The following PPT2 variants were observed in gnomAD, a reference collection of about 807,000 sequenced individuals.
The protein encoded by PPT2 is lysosomal thioesterase PPT2.
Under a neutral mutation model 37.3 loss-of-function variants are expected in PPT2, and 20 were observed. That is an observed-to-expected ratio of 0.54 (90% CI 0.38 to 0.78). PPT2 has a LOEUF of 0.78. Ranked by LOEUF, PPT2 falls within the 30% of genes least tolerant of loss-of-function variation. PPT2 has a pLI of 0.00. For missense variants in PPT2, 270 were observed against 389.8 expected (o/e 0.69, Z 2.59); for synonymous variants, 135 against 159.1 (o/e 0.85, Z 1.14).
At chr6:32,158,013 C>T in intron 7 of PPT2, 89 bp downstream of exon 7, 3 of 1,155,524 alleles carry the variant, frequency 2.6e-6, no homozygotes, top group Non-Finnish European at 3.7e-6. Flanking sequence ...TGGCCTGCTC[C>T]TTCCACTGTT....
Position 32,163,136 on chromosome 6 carries a change from T to A in PPT2, c.*186T>A. ...AGAACCCCCTTCCTCTGCTCCTCCA[T>A]GAATGACAATTCCAGGCCTCCCCTA... On this transcript the variant is annotated 3_prime_UTR_variant, in exon 9 of 9. Coordinates refer to ENST00000324816, the MANE Select transcript of PPT2 (RefSeq NM_005155.7). 1 of 636,620 alleles carries A rather than the reference T, an allele frequency of 1.6e-6. No homozygotes were observed. The highest frequency in any genetic ancestry group is 2.6e-6 in the Non-Finnish European group (1 of 377,930). 39.4% of individuals were successfully genotyped at this position (636,620 alleles called of 1,614,324 possible).
chr6:32,158,091 C>G (rs545724647), intron 7 of PPT2, 167 bp downstream of exon 7: 2 of 600,372 alleles, frequency 3.3e-6, no homozygotes, highest in East Asian at 5.6e-5. Context: ...TATCCCAACC[C>G]CTTGTATCAA....
At chr6:32,153,888 G>T (rs1422850646), upstream of PPT2, 1 of 1,235,944 alleles carries the variant, frequency 8.1e-7, no homozygotes, top group East Asian at 2.8e-5. This position sits in a 1 kb window ranked among gnomAD's most constrained non-coding sequence, Gnocchi z 4.4. Flanking sequence ...CTTTTGGGTC[G>T]CTGGGGGCAA....
Position 32,155,596 on chromosome 6 carries a change from G to C in PPT2, c.338-92G>C, listed in dbSNP as rs892867351. 5.1e-6 allele frequency: 4 copies of C among 788,818 alleles called. No homozygotes were observed. The highest frequency in any genetic ancestry group is 2.1e-5 in the African/African-American group (1 of 47,574). 48.9% of individuals were successfully genotyped at this position (788,818 alleles called of 1,614,324 possible). A position where few individuals can be genotyped will look rare whatever the true frequency, so the allele number is the denominator to read the frequency against. Reference sequence around the variant, plus strand: ...TCTGTGTGTGTCTCTGTGTGTGTGTGTGTGTGTGTGTGTGTGTGTGTGGTG... The same window carrying C: ...TCTGTGTGTGTCTCTGTGTGTGTGTCTGTGTGTGTGTGTGTGTGTGTGGTG... On this transcript the variant is annotated intron_variant, in intron 3 of 8. Transcript: ENST00000324816. This position sits in a 1 kb window ranked among gnomAD's most constrained non-coding sequence, Gnocchi z 4.3.
chr6:32,154,158 T>C lies in PPT2; in HGVS notation c.-255T>C. The C allele has an allele frequency of 9.1e-7, 1 of 1,093,194 alleles. No individual in the cohort carries two copies. The highest frequency in any genetic ancestry group is 1.1e-6 in the Non-Finnish European group (1 of 897,804). The allele number at this position is 1,093,194 out of a possible 1,614,324, so 67.7% of individuals were successfully genotyped here. Reference sequence around the variant, plus strand: ...TCCCATCCGTCATTCCCCTGCGCTCTCTTTCCTCACCCTTCCCCCCGCCAC... The same window carrying C: ...TCCCATCCGTCATTCCCCTGCGCTCCCTTTCCTCACCCTTCCCCCCGCCAC... On this transcript the variant is annotated 5_prime_UTR_variant, in exon 1 of 9. Transcript: ENST00000324816. The surrounding 1 kb of genome is among the most constrained non-coding windows in gnomAD (Gnocchi z 7.3).
At chr6:32,158,044 A>G in intron 7 of PPT2, 120 bp downstream of exon 7, 1 of 864,580 alleles carries the variant, frequency 1.2e-6, no homozygotes, top group Non-Finnish European at 1.8e-6. Flanking sequence ...TCCTCCCCCC[A>G]TTCATCATGT....
At position 32,162,646 on chromosome 6, in the gene PPT2, C is replaced by G; in HGVS notation, c.765+24C>G. 1 of 1,592,400 alleles carries G rather than the reference C, an allele frequency of 6.3e-7. No individual in the cohort carries two copies. Among genetic ancestry groups the G allele is most frequent in the Non-Finnish European group, 8.6e-7 (1 of 1,160,280 alleles). On this transcript the variant is annotated intron_variant, in intron 8 of 8. Transcript: ENST00000324816. This position sits in a 1 kb window ranked among gnomAD's most constrained non-coding sequence, Gnocchi z 5.5. ...TGGTGAGCCCCCTGGGATTACTTCCCCTTCTAGCCGCTGTCCCACCTTATT... is the reference window on the plus strand; with the variant it reads ...TGGTGAGCCCCCTGGGATTACTTCCGCTTCTAGCCGCTGTCCCACCTTATT...
intron 7 of PPT2, among the ~76,000 whole-genome samples, chr6:32,160,753 C>G (rs913352355): frequency 2.0e-5 from 3 of 151,974 alleles, no homozygotes; most frequent in African/African-American, 7.3e-5. Flanking sequence ...AATCCTAGCA[C>G]TTTGGGAGGC....
Position 32,163,051 on chromosome 6 carries a change from G to A in PPT2, c.*101G>A. 7.5e-7 allele frequency: 1 copy of A among 1,334,420 alleles called. No homozygotes were observed. Among genetic ancestry groups the A allele is most frequent in the East Asian group, 2.3e-5 (1 of 43,080 alleles). 82.7% of individuals were successfully genotyped at this position (1,334,420 alleles called of 1,614,324 possible). A position where few individuals can be genotyped will look rare whatever the true frequency, so the allele number is the denominator to read the frequency against. ...TTGGTGTGCCTGTGACCACCTCATT[G>A]CTCCCATATTATCCCCCATTTTTAG... On this transcript the variant is annotated 3_prime_UTR_variant, in exon 9 of 9. Coordinates refer to ENST00000324816, the MANE Select transcript of PPT2 (RefSeq NM_005155.7).
Position 32,155,221 on chromosome 6 carries a change from C to G in PPT2, c.337+38C>G. On this transcript the variant is annotated intron_variant, in intron 3 of 8. Coordinates refer to ENST00000324816, the MANE Select transcript of PPT2 (RefSeq NM_005155.7). The surrounding 1 kb of genome is among the most constrained non-coding windows in gnomAD (Gnocchi z 4.3). ...CCTGCCCCTAACTCCTAAGCCCTAT[C>G]TGAGGCTTGATCCTTATCTGAGGGA... The G allele has an allele frequency of 6.2e-7, 1 of 1,608,684 alleles. No homozygotes were observed. Among genetic ancestry groups the G allele is most frequent in the Non-Finnish European group, 8.5e-7 (1 of 1,176,458 alleles).
chr6:32,154,784 C>A lies in PPT2; in HGVS notation c.183+7C>A. 6.2e-7 allele frequency: 1 copy of A among 1,609,670 alleles called. No homozygotes were observed. Among genetic ancestry groups the A allele is most frequent in the Non-Finnish European group, 8.5e-7 (1 of 1,177,208 alleles). ...GCTGGAATACATCAATGAGGTCTGG[C>A]AGGGGACACCTGGGTGCAGGGCGTT... On this transcript the variant is annotated splice_region_variant and intron_variant, in intron 2 of 8. Transcript: ENST00000324816. The surrounding 1 kb of genome is among the most constrained non-coding windows in gnomAD (Gnocchi z 7.3).
rs1039161971 is a variant in PPT2, at chr6:32,155,063, C to T, written c.217C>T (p.Leu73Phe). 2 of 1,613,058 alleles carry T rather than the reference C, an allele frequency of 1.2e-6. No homozygotes were observed. Among genetic ancestry groups the T allele is most frequent in the African/African-American group, 2.7e-5 (2 of 74,928 alleles). ...CGGGACTGTGGTGACAGTGCTCGAT[C>T]TCTTCGATGGGAGAGAGAGCTTGCG... ...HPGTVVTVLD[L>F]FDGRESLRPL... The change falls in exon 3 of 9, where the codon CTC becomes TTC. Residue 73 changes from leucine to phenylalanine, a missense_variant. Transcript: ENST00000324816. The surrounding 1 kb of genome is among the most constrained non-coding windows in gnomAD (Gnocchi z 4.3).
chr6:32,159,724 CT>C (rs1262133551), intron 7 of PPT2, among the ~76,000 whole-genome samples: 430 of 141,746 alleles, frequency 3.0e-3, no homozygotes, highest in Middle Eastern at 0.011. Flanking sequence ...CTGTTTCTTC[CT>C]TTTTTTTTTT....
In PPT2 at chr6:32,162,987, A is replaced by G. The variant is rs1784264880; in HGVS notation, c.*37A>G. On this transcript the variant is annotated 3_prime_UTR_variant, in exon 9 of 9. Transcript: ENST00000324816. This position sits in a 1 kb window ranked among gnomAD's most constrained non-coding sequence, Gnocchi z 5.5. ...GGGGTCCCCAGGAACTCCTCGGTCC[A>G]GAGACCAAGTGGTGGCCTTGGAAAG... The G allele has an allele frequency of 6.3e-7, 1 of 1,579,992 alleles. No individual in the cohort carries two copies. Among genetic ancestry groups the G allele is most frequent in the Admixed American group, 1.8e-5 (1 of 55,622 alleles).
At chr6:32,160,927 G>A (rs1206421607) in intron 7 of PPT2, among the ~76,000 whole-genome samples, 2 of 150,332 alleles carry the variant, frequency 1.3e-5, no homozygotes, top group African/African-American at 4.9e-5. Flanking sequence ...GGCCAAGGCT[G>A]CAGTGAGCCG....
At position 32,155,711 on chromosome 6, in the gene PPT2, C is replaced by T; in HGVS notation, c.361C>T (p.Leu121Phe). The change falls in exon 4 of 9, where the codon CTT becomes TTT. Residue 121 changes from leucine (L) to phenylalanine (F), a missense_variant. Physicochemically the swap from Leu to Phe is conservative, Grantham distance 22. Coordinates refer to ENST00000324816, the MANE Select transcript of PPT2 (RefSeq NM_005155.7). The surrounding 1 kb of genome is among the most constrained non-coding windows in gnomAD (Gnocchi z 4.3). ...SQGGLVCRAL[L>F]SVMDDHNVDS... ...AGGGGGCCTTGTGTGCCGGGCTCTG[C>T]TTTCTGTCATGGATGATCACAACGT... is the stretch of plus-strand genomic sequence containing the variant. 6.2e-7 allele frequency: 1 copy of T among 1,613,920 alleles called. No homozygotes were observed. The highest frequency in any genetic ancestry group is 8.5e-7 in the Non-Finnish European group (1 of 1,179,992).
In PPT2 at chr6:32,155,458, G is replaced by C. The variant is rs959584445; in HGVS notation, c.338-230G>C. Among the ~76,000 whole-genome samples, 2 of 152,190 alleles carry C rather than the reference G, an allele frequency of 1.3e-5. No individual in the cohort carries two copies. Among genetic ancestry groups the C allele is most frequent in the African/African-American group, 4.8e-5 (2 of 41,450 alleles). ...CAGGTAAAAACATCCTAGAACTAGAGGCAGGAGGCCCAGCATCTAATTCGG... is the reference window on the plus strand; with the variant it reads ...CAGGTAAAAACATCCTAGAACTAGACGCAGGAGGCCCAGCATCTAATTCGG... On this transcript the variant is annotated intron_variant, in intron 3 of 8. Transcript: ENST00000324816. The surrounding 1 kb of genome is among the most constrained non-coding windows in gnomAD (Gnocchi z 4.3).
Position 32,155,110 on chromosome 6 carries a change from A to C in PPT2, c.264A>C (p.Gln88His). The C allele has an allele frequency of 6.2e-7, 1 of 1,613,044 alleles. No individual in the cohort carries two copies. The highest frequency in any genetic ancestry group is 8.5e-7 in the Non-Finnish European group (1 of 1,179,968). ...TGCGACCCCTGTGGGAACAGGTGCA[A>C]GGGTTCCGAGAGGCTGTGGTCCCCA... The part of the protein sequence containing the change: ...ESLRPLWEQV[Q>H]GFREAVVPIM... The change falls in exon 3 of 9, where the codon CAA becomes CAC. Residue 88 changes from glutamine (Q) to histidine (H), a missense_variant. Transcript: ENST00000324816. This position sits in a 1 kb window ranked among gnomAD's most constrained non-coding sequence, Gnocchi z 4.3.
chr6:32,157,532 T>C (rs1332218149), intron 5 of PPT2, 105 bp from the exon 6 acceptor site: 1 of 982,536 alleles, frequency 1.0e-6, no homozygotes, highest in East Asian at 2.4e-5. Flanking sequence ...ACTACTATTT[T>C]ATTACTATCC....
Sources: allele counts gnomAD v4.1 joint callset (sites outside exome capture counted in the v4.1 genomes callset), GRCh38; gene constraint gnomAD v4.1.1; non-coding constraint Gnocchi (gnomAD v3.1); transcripts MANE v1.5; gene names NCBI Gene and HGNC (gene_info 2026-07-23, HGNC 2026-07-21).